SYNC: variants seen among roughly 807,000 people sequenced by gnomAD.
The protein encoded by SYNC is syncoilin.
A neutral mutation model predicts 49.5 loss-of-function variants in SYNC; 38 were observed. That is an observed-to-expected ratio of 0.77 (90% CI 0.59 to 1.01). The LOEUF (loss-of-function observed/expected upper bound fraction) is 1.01. Ranked by LOEUF, SYNC falls within the 50% of genes least tolerant of loss-of-function variation. The probability of loss-of-function intolerance (pLI) is 0.00; values close to 1 mark genes in which losing one functional copy is unlikely to be tolerated. For synonymous variants in SYNC, 201 were observed against 230.8 expected, an observed-to-expected ratio of 0.87 and a Z score of 1.17; for missense variants, 579 against 580.6, an observed-to-expected ratio of 1.00 and a Z score of 0.03.
intron 1 of SYNC, among the ~76,000 whole-genome samples, chr1:32,698,643 T>C (rs1402941356): frequency 6.6e-6 from 1 of 152,212 alleles, no homozygotes; most frequent in Non-Finnish European, 1.5e-5. Flanking sequence ...GATTCCATCA[T>C]TCTGACATCT....
intron 2 of SYNC, among the ~76,000 whole-genome samples, chr1:32,688,198 T>C (rs1396828491): frequency 6.6e-6 from 1 of 152,078 alleles, no homozygotes; most frequent in African/African-American, 2.4e-5. Context: ...TCAAGCTAGA[T>C]TGTTCAGGAG....
At chr1:32,694,411 T>C (rs1650305412) in intron 2 of SYNC, among the ~76,000 whole-genome samples, 2 of 151,916 alleles carry the variant, frequency 1.3e-5, no homozygotes, top group Non-Finnish European at 2.9e-5. Flanking sequence ...CCCAGCACTT[T>C]GGGAGGCCAA....
chr1:32,697,249 C>G (rs1650474432), intron 1 of SYNC, among the ~76,000 whole-genome samples: 1 of 151,294 alleles, frequency 6.6e-6, no homozygotes, highest in African/African-American at 2.4e-5. Flanking sequence ...CAAGACCAGC[C>G]TGACCAACAT....
chr1:32,698,117 G>C (rs952371652), intron 1 of SYNC, among the ~76,000 whole-genome samples: 1 of 151,352 alleles, frequency 6.6e-6, no homozygotes, highest in African/African-American at 2.4e-5. Flanking sequence ...CAGCTACTCG[G>C]GAGGCTAAGG....
intron 2 of SYNC, among the ~76,000 whole-genome samples, chr1:32,686,734 G>A (rs1649855703): frequency 6.6e-6 from 1 of 152,162 alleles, no homozygotes; most frequent in South Asian, 2.1e-4. Flanking sequence ...GCAACCCTAT[G>A]GATATGGGAG....
rs1032430974 is a variant in SYNC at position 32,680,475 on chromosome 1, T to A, written c.*1375A>T. 2.6e-6 allele frequency: 4 copies of A among 1,540,400 alleles called. No individual in the cohort carries two copies. Among genetic ancestry groups the A allele is most frequent in the Middle Eastern group, 1.7e-4 (1 of 5,938 alleles). On this transcript the variant is annotated 3_prime_UTR_variant, in exon 5 of 5. Coordinates refer to ENST00000409190, the MANE Select transcript of SYNC (RefSeq NM_030786.3). ...AGAAGAGTGAATCAATAACTTGTAT[T>A]TGTTTTAAAAATTAAATTAATCCTT...
chr1:32,687,425 C>G (rs1241032286), intron 2 of SYNC, among the ~76,000 whole-genome samples: 1 of 151,288 alleles, frequency 6.6e-6, no homozygotes, highest in Non-Finnish European at 1.5e-5. Context: ...GCCTGTAATC[C>G]CAACACATTG....
intron 2 of SYNC, among the ~76,000 whole-genome samples, chr1:32,689,492 G>A (rs116303297): frequency 0.012 from 1,760 of 151,670 alleles, 16 homozygotes; most frequent in Non-Finnish European, 0.019. Flanking sequence ...ACTGCGCCCG[G>A]CCACACATAC....
chr1:32,687,371 A>AC (rs1260436461), intron 2 of SYNC, among the ~76,000 whole-genome samples: 2 of 150,408 alleles, frequency 1.3e-5, no homozygotes, highest in Non-Finnish European at 3.0e-5. Flanking sequence ...CAAAAAAAAA[A>AC]AAAAACCATA....
At chr1:32,683,608 CAA>C (rs2148542580) in intron 4 of SYNC, 1 of 157,734 alleles carries the variant, frequency 6.3e-6, no homozygotes, top group East Asian at 1.9e-4. Context: ...ATTAGGCACA[CAA>C]GGGTTTTTTG....
At position 32,698,139 on chromosome 1, in the gene SYNC, C is replaced by T. The variant is rs373825157; in HGVS notation, c.54-2095G>A. On this transcript the variant is annotated intron_variant, in intron 1 of 4. Coordinates refer to ENST00000409190, the MANE Select transcript of SYNC (RefSeq NM_030786.3). ...TCGGGAGGCTAAGGCACAAGAATCG[C>T]TTGAACCTGGGAGGCAGAGGTTGCA... is the stretch of plus-strand genomic sequence containing the variant. Among the ~76,000 whole-genome samples, 26 of 147,538 alleles carry T rather than the reference C, an allele frequency of 1.8e-4. No homozygotes were observed. The South Asian group carries it at 5.6e-3, about 32-fold the overall frequency.
At chr1:32,682,051 G>A (rs774988570) in intron 4 of SYNC, 191 bp from the exon 5 acceptor site, 3 of 573,882 alleles carry the variant, frequency 5.2e-6, no homozygotes, top group East Asian at 2.9e-5. Flanking sequence ...ATAGTTAAAC[G>A]TTTTCTCTGC....
intron 2 of SYNC, among the ~76,000 whole-genome samples, chr1:32,691,249 G>T (rs1309868006): frequency 6.7e-6 from 1 of 148,860 alleles, no homozygotes; most frequent in African/African-American, 2.4e-5. Context: ...AAAAAAATTT[G>T]CCAGGCGTGG....
Position 32,681,875 on chromosome 1 carries a change from GAA to G in SYNC, c.1439-17_1439-16del. ...CTAAACAGCCCCTGTAAAGTTGAAA[GAA>G]AAAGTTTATAACAGTGAACTTCTGA... On this transcript the variant is annotated splice_polypyrimidine_tract_variant and intron_variant, in intron 4 of 4. Transcript: ENST00000409190. The G allele has an allele frequency of 6.2e-7, 1 of 1,613,226 alleles. No homozygotes were observed.
At chr1:32,687,861 A>ATTT (rs989517086) in intron 2 of SYNC, among the ~76,000 whole-genome samples, 14 of 146,440 alleles carry the variant, frequency 9.6e-5, no homozygotes, top group African/African-American at 3.5e-4. Context: ...TATTATTATT[A>ATTT]TTTTTTGAGA....
At chr1:32,701,642 G>T (rs564826412) in intron 1 of SYNC, among the ~76,000 whole-genome samples, 1 of 152,174 alleles carries the variant, frequency 6.6e-6, no homozygotes, top group African/African-American at 2.4e-5. Context: ...TCACACAGCC[G>T]CCTCTTTTAA....
Position 32,695,102 on chromosome 1 carries a change from C to A in SYNC, c.996G>T (p.Met332Ile). ...CCTCCAGGTCCTGGCGGCTCTCTGC[C>A]ATGAGATTTTCAAACTGGGCAGAGA... ...RRLSAQFENL[M>I]AESRQDLEEE... Residue 332 changes from methionine to isoleucine, a missense_variant, in exon 2 of 5, where the codon ATG becomes ATT. Transcript: ENST00000409190. The A allele has an allele frequency of 6.2e-7, 1 of 1,613,144 alleles. No homozygotes were observed. The highest frequency in any genetic ancestry group is 1.8e-4 in the Middle Eastern group (1 of 5,706).
intron 2 of SYNC, among the ~76,000 whole-genome samples, chr1:32,687,679 AAAG>A (rs1188056725): frequency 1.3e-4 from 19 of 150,684 alleles, no homozygotes; most frequent in African/African-American, 4.4e-4. Context: ...TCAAAAAAAA[AAAG>A]AAAAAAATGT....
At chr1:32,699,153 CTTTTTTTT>C (rs61577689) in intron 1 of SYNC, among the ~76,000 whole-genome samples, 4 of 104,046 alleles carry the variant, frequency 3.8e-5, no homozygotes, top group African/African-American at 1.5e-4. Context: ...CTTTTCTTTT[CTTTTTTTT>C]TTTTTTTTTT....
Sources: gnomAD v4.1 joint callset for allele counts (sites outside exome capture counted in the v4.1 genomes callset) on GRCh38, gnomAD v4.1.1 for gene constraint, MANE v1.5 for transcripts, NCBI Gene and HGNC (gene_info 2026-07-23, HGNC 2026-07-21) for gene names.